The following EYS variants were observed in gnomAD, a reference collection of about 807,000 sequenced individuals.
EYS encodes protein eyes shut homolog.
EYS carries 250 observed loss-of-function variants against 282.1 expected under a neutral mutation model. The observed-to-expected ratio is 0.89, with a 90% CI of 0.80 to 0.98. The LOEUF is 0.98. Ranked by LOEUF, EYS falls within the 50% of genes least tolerant of loss-of-function variation. EYS has a pLI of 0.00. For missense variants in EYS, 4,016 were observed against 3,709.0 expected (o/e 1.08, Z -2.15); for synonymous variants, 1,355 against 1,282.9 (o/e 1.06, Z -1.20).
intron 29 of EYS, among the ~76,000 whole-genome samples, chr6:64,325,353 T>C (rs551768383): frequency 1.9e-4 from 29 of 151,874 alleles, no homozygotes; most frequent in Non-Finnish European, 3.5e-4. Context: ...GCCACATTCA[T>C]AGGAAAAGGG....
chr6:65,587,670 T>A (rs1439506644), intron 2 of EYS, among the ~76,000 whole-genome samples: 4 of 152,038 alleles, frequency 2.6e-5, no homozygotes, highest in Non-Finnish European at 4.4e-5. Flanking sequence ...AAGGCGAACA[T>A]AAATCCCTTT....
At chr6:65,177,178 C>G (rs1263228028) in intron 12 of EYS, among the ~76,000 whole-genome samples, 2 of 151,692 alleles carry the variant, frequency 1.3e-5, no homozygotes, top group Non-Finnish European at 2.9e-5. Flanking sequence ...AAAATCTTTG[C>G]TGGCAACTAA....
chr6:64,340,624 G>A (rs1040830378), intron 29 of EYS, among the ~76,000 whole-genome samples: 55 of 151,664 alleles, frequency 3.6e-4, no homozygotes, highest in African/African-American at 1.3e-3. Context: ...AATCCTAGAA[G>A]AAAACCGTAA....
chr6:64,212,170 T>G (rs1038283410), intron 31 of EYS, among the ~76,000 whole-genome samples: 1 of 151,994 alleles, frequency 6.6e-6, no homozygotes, highest in Non-Finnish European at 1.5e-5. Context: ...AAGTAAAATA[T>G]TGAGTTAAAT....
At chr6:64,397,114 T>C (rs1773407148) in intron 28 of EYS, among the ~76,000 whole-genome samples, 1 of 152,146 alleles carries the variant, frequency 6.6e-6, no homozygotes, top group African/African-American at 2.4e-5. Context: ...TATCTCTTTC[T>C]TTCTCTCTTA....
intron 22 of EYS, among the ~76,000 whole-genome samples, chr6:64,703,430 T>TATATA (rs1491104462): frequency 1.2e-3 from 15 of 12,486 alleles, no homozygotes; most frequent in Non-Finnish European, 1.8e-3. Flanking sequence ...TATATATATA[T>TATATA]TTTTTTTTTT....
At chr6:64,121,655 T>G (rs1043453859) in intron 31 of EYS, among the ~76,000 whole-genome samples, 2 of 152,252 alleles carry the variant, frequency 1.3e-5, no homozygotes, top group Non-Finnish European at 2.9e-5. Context: ...AGCTATAGTC[T>G]CCTATCTCTT....
At chr6:64,276,029 A>G (rs1768105314) in intron 30 of EYS, among the ~76,000 whole-genome samples, 1 of 151,462 alleles carries the variant, frequency 6.6e-6, no homozygotes, top group African/African-American at 2.4e-5. Context: ...ATAGCTTCTT[A>G]TCTCTCTAAT....
rs576811493 is a variant in EYS at position 65,557,248 on chromosome 6, G to A, written c.-332-61255C>T. 1.8e-4 allele frequency among the ~76,000 whole-genome samples: 27 copies of A among 152,208 alleles called. No homozygotes were observed. The East Asian group carries it at 2.7e-3, about 15-fold the overall frequency. On this transcript the variant is annotated intron_variant, in intron 2 of 42. Transcript: ENST00000503581. The stretch of plus-strand genomic sequence containing the variant: ...GCCCAGCAGGCTTCACTCATCTCAC[G>A]CTGCCAGCCCAGATCCCACACCTGC...
intron 26 of EYS, among the ~76,000 whole-genome samples, chr6:64,579,609 A>G (rs1022937595): frequency 6.6e-6 from 1 of 151,994 alleles, no homozygotes; most frequent in African/African-American, 2.4e-5. Flanking sequence ...CTCCTTATAA[A>G]TGTCCTCCAC....
intron 12 of EYS, among the ~76,000 whole-genome samples, chr6:65,146,053 T>C (rs1764468699): frequency 6.6e-6 from 1 of 151,818 alleles, no homozygotes; most frequent in African/African-American, 2.4e-5. Context: ...CAGGTATCAA[T>C]AGGAGGAAAG....
intron 30 of EYS, among the ~76,000 whole-genome samples, chr6:64,296,541 A>AATATATATATATGT (rs1768996500): frequency 6.4e-5 from 1 of 15,720 alleles, no homozygotes; most frequent in African/African-American, 2.2e-4. Flanking sequence ...GTACTGGCAG[A>AATATATATATATGT]ATATATATAT....
In EYS at chr6:64,230,736, T is replaced by C; in HGVS notation, c.6280A>G (p.Ser2094Gly). Residue 2094 changes from serine (S) to glycine (G), a missense_variant, in exon 31 of 43, where the codon AGC (serine) becomes GGC (glycine). Coordinates refer to ENST00000503581, the MANE Select transcript of EYS (RefSeq NM_001142800.2). ...QGVDTMWTSV[S>G]PSVAAPSVCQ... ...ACAGAGGGTGCTGCAACAGAGGGGC[T>C]GACAGAAGTCCACATGGTATCAACC... The C allele has an allele frequency of 6.4e-7, 1 of 1,551,510 alleles. No individual in the cohort carries two copies. Among genetic ancestry groups the C allele is most frequent in the East Asian group, 2.4e-5 (1 of 40,930 alleles).
intron 18 of EYS, among the ~76,000 whole-genome samples, chr6:64,891,127 G>A (rs2150065785): frequency 6.6e-6 from 1 of 151,068 alleles, no homozygotes. Flanking sequence ...GAGTCCATTT[G>A]GACATTTTCT....
At chr6:65,238,169 T>G (rs1766972565) in intron 12 of EYS, among the ~76,000 whole-genome samples, 1 of 151,534 alleles carries the variant, frequency 6.6e-6, no homozygotes, top group African/African-American at 2.4e-5. Context: ...TTATTCATTT[T>G]CTATTAATTC....
At chr6:64,462,772 T>A (rs1775789451) in intron 26 of EYS, among the ~76,000 whole-genome samples, 1 of 152,052 alleles carries the variant, frequency 6.6e-6, no homozygotes, top group Admixed American at 6.6e-5. Context: ...TTTTACTAAT[T>A]ATTTGCGGGA....
chr6:65,417,077 A>T lies in EYS; in HGVS notation c.863-11710T>A, dbSNP rs377176682. On this transcript the variant is annotated intron_variant, in intron 5 of 42. Transcript: ENST00000503581. Reference sequence around the variant, plus strand: ...AAAAGTAATTATGTAAAAAGTTGCTAGTTTGGCATTTCAGATAAACAAAAT... The same window carrying T: ...AAAAGTAATTATGTAAAAAGTTGCTTGTTTGGCATTTCAGATAAACAAAAT... 2.4e-4 allele frequency among the ~76,000 whole-genome samples: 36 copies of T among 152,108 alleles called. 1 individual carries two copies. In the East Asian group the frequency reaches 6.9e-3, roughly 29 times the overall value.
intron 30 of EYS, among the ~76,000 whole-genome samples, chr6:64,297,443 C>A (rs1769071842): frequency 6.6e-6 from 1 of 152,154 alleles, no homozygotes; most frequent in Non-Finnish European, 1.5e-5. Context: ...CCATGTAAAA[C>A]AACAACCTCA....
chr6:65,113,711 TAGG>T (rs201754076), intron 12 of EYS, among the ~76,000 whole-genome samples: 39,738 of 151,860 alleles, frequency 0.26, 6,383 homozygotes, highest in African/African-American at 0.45. Flanking sequence ...TTTAGCTGTG[TAGG>T]GAATTATTGG....
Sources: allele counts gnomAD v4.1 joint callset (sites outside exome capture counted in the v4.1 genomes callset), GRCh38; gene constraint gnomAD v4.1.1; transcripts MANE v1.5; gene names NCBI Gene and HGNC (gene_info 2026-07-23, HGNC 2026-07-21).